The following KCNH7 variants were observed in gnomAD, a reference collection of about 807,000 sequenced individuals.
KCNH7 encodes voltage-gated inwardly rectifying potassium channel KCNH7.
KCNH7 carries 49 observed loss-of-function variants against 120.8 expected under a neutral mutation model. The observed-to-expected ratio is 0.41, with a 90% confidence interval of 0.32 to 0.51. The LOEUF (loss-of-function observed/expected upper bound fraction) is 0.51, where lower values mean the gene tolerates loss of function less well. Among genes scored for constraint, KCNH7 ranks in the 20% least tolerant of loss-of-function variants. The pLI is 0.38. For synonymous variants in KCNH7, 547 were observed against 516.1 expected (o/e 1.06, Z -0.81); for missense variants, 1,097 against 1,446.6 (o/e 0.76, Z 3.92).
chr2:162,569,305 G>C (rs1469543332), intron 2 of KCNH7, among the ~76,000 whole-genome samples: 1 of 151,878 alleles, frequency 6.6e-6, no homozygotes, highest in Non-Finnish European at 1.5e-5. Context: ...AGATTTTCTA[G>C]TTTATTTGCA....
chr2:162,632,823 CAAAT>C (rs1280422939), intron 2 of KCNH7, among the ~76,000 whole-genome samples: 2 of 151,440 alleles, frequency 1.3e-5, no homozygotes, highest in Non-Finnish European at 3.0e-5. Flanking sequence ...TCTGTACTAA[CAAAT>C]AAATTTTATA....
intron 6 of KCNH7, among the ~76,000 whole-genome samples, chr2:162,501,602 C>A (rs879674028): frequency 2.0e-5 from 3 of 152,042 alleles, no homozygotes; most frequent in Non-Finnish European, 2.9e-5. Flanking sequence ...CTGTGAAGTC[C>A]AAGATCAAGT....
intron 2 of KCNH7, among the ~76,000 whole-genome samples, chr2:162,734,997 A>G (rs1045344969): frequency 6.6e-6 from 1 of 152,164 alleles, no homozygotes; most frequent in African/African-American, 2.4e-5. Flanking sequence ...TGGTGATCTA[A>G]AAGCCAGCAG....
Position 162,631,593 on chromosome 2 carries a change from T to TA in KCNH7, c.308-94514dup, listed in dbSNP as rs139359947. Among the ~76,000 whole-genome samples the TA allele has an allele frequency of 9.8e-3, 1,490 of 152,214 alleles. 27 individuals are homozygous for TA. The highest frequency in any genetic ancestry group is 0.034 in the African/African-American group (1,410 of 41,556). ...AATCTGTGAAGAAAAAGGTTATTGCTAAAATCATAGAATAATGTAAGTTTA... is the reference window on the plus strand; with the variant it reads ...AATCTGTGAAGAAAAAGGTTATTGCTAAAAATCATAGAATAATGTAAGTTTA... On this transcript the variant is annotated intron_variant, in intron 2 of 15. Transcript: ENST00000332142.
At chr2:162,391,065 C>G (rs757988600) in intron 12 of KCNH7, among the ~76,000 whole-genome samples, 4 of 151,972 alleles carry the variant, frequency 2.6e-5, no homozygotes, top group Non-Finnish European at 5.9e-5. Flanking sequence ...GACTCAACCT[C>G]TGTCTGCTGC....
intron 2 of KCNH7, among the ~76,000 whole-genome samples, chr2:162,558,891 T>C (rs913403346): frequency 5.3e-5 from 8 of 150,932 alleles, no homozygotes; most frequent in Non-Finnish European, 1.0e-4. Flanking sequence ...CTGTCTCTAC[T>C]AAAAATGCAA....
At chr2:162,756,632 T>A (rs1688798685) in intron 2 of KCNH7, among the ~76,000 whole-genome samples, 1 of 152,092 alleles carries the variant, frequency 6.6e-6, no homozygotes, top group Non-Finnish European at 1.5e-5. Flanking sequence ...GCCTGGTTAA[T>A]TTTTGTTTAT....
chr2:162,481,489 T>A (rs1010968616), intron 6 of KCNH7, among the ~76,000 whole-genome samples: 6 of 152,000 alleles, frequency 3.9e-5, no homozygotes, highest in African/African-American at 1.5e-4. Context: ...AATAAGAGAG[T>A]CTCAACCTTT....
intron 2 of KCNH7, among the ~76,000 whole-genome samples, chr2:162,544,107 C>T (rs1348603997): frequency 6.6e-6 from 1 of 152,026 alleles, no homozygotes; most frequent in Admixed American, 6.6e-5. Context: ...GTAAAATATG[C>T]CTCCTTTTCA....
chr2:162,688,737 T>C (rs1366082976), intron 2 of KCNH7, among the ~76,000 whole-genome samples: 1 of 151,864 alleles, frequency 6.6e-6, no homozygotes, highest in Non-Finnish European at 1.5e-5. Flanking sequence ...CCATTCTTTT[T>C]TTTTTTTTTT....
intron 2 of KCNH7, among the ~76,000 whole-genome samples, chr2:162,538,784 G>A (rs556361279): frequency 1.7e-4 from 26 of 152,142 alleles, no homozygotes; most frequent in African/African-American, 4.3e-4. Flanking sequence ...TTATAAAATT[G>A]TTTCTATGGG....
chr2:162,830,575 G>A (rs1181078434), intron 2 of KCNH7, among the ~76,000 whole-genome samples: 2 of 152,120 alleles, frequency 1.3e-5, no homozygotes, highest in South Asian at 4.1e-4. Flanking sequence ...AATCCAGCTG[G>A]ATTTCTCTAA....
At chr2:162,689,404 G>A (rs1251413663) in intron 2 of KCNH7, among the ~76,000 whole-genome samples, 4 of 151,916 alleles carry the variant, frequency 2.6e-5, no homozygotes, top group East Asian at 2.0e-4. Flanking sequence ...CACCTGCCTC[G>A]GCCGCCCAAA....
intron 2 of KCNH7, among the ~76,000 whole-genome samples, chr2:162,813,189 T>C (rs1684794793): frequency 6.6e-6 from 1 of 152,070 alleles, no homozygotes; most frequent in Non-Finnish European, 1.5e-5. Context: ...AATGTGTGTG[T>C]CTAGTTAACA....
chr2:162,462,852 C>A (rs528961719), intron 6 of KCNH7, among the ~76,000 whole-genome samples: 1 of 151,980 alleles, frequency 6.6e-6, no homozygotes, highest in African/African-American at 2.4e-5. Context: ...TTCAAAACAT[C>A]ACATTATATC....
intron 2 of KCNH7, among the ~76,000 whole-genome samples, chr2:162,566,905 A>C (rs1266865945): frequency 6.6e-6 from 1 of 152,044 alleles, no homozygotes; most frequent in African/African-American, 2.4e-5. Context: ...TCTTAAAAAA[A>C]TAGTAGGATT....
chr2:162,390,363 CT>C (rs985551800), intron 12 of KCNH7, among the ~76,000 whole-genome samples: 5 of 151,480 alleles, frequency 3.3e-5, no homozygotes, highest in African/African-American at 1.2e-4. Context: ...CAAATATACC[CT>C]GTATATTATA....
At chr2:162,466,284 G>A (rs775753929) in intron 6 of KCNH7, among the ~76,000 whole-genome samples, 5 of 152,088 alleles carry the variant, frequency 3.3e-5, no homozygotes, top group Admixed American at 2.0e-4. Context: ...ATAAAGAACC[G>A]CCCAAGACTG....
chr2:162,524,512 C>A (rs1691636640), intron 3 of KCNH7, among the ~76,000 whole-genome samples: 1 of 151,962 alleles, frequency 6.6e-6, no homozygotes. Context: ...CATCTTTTGG[C>A]CTGAAAAATT....
Sources: allele counts gnomAD v4.1 joint callset (sites outside exome capture counted in the v4.1 genomes callset), GRCh38; gene constraint gnomAD v4.1.1; transcripts MANE v1.5; gene names NCBI Gene and HGNC (gene_info 2026-07-23, HGNC 2026-07-21).